The following SYNJ2 variants were observed in gnomAD, a reference collection of about 807,000 sequenced individuals.
SYNJ2 encodes the protein polyphosphatidylinositol phosphatase SYNJ2.
Under a neutral mutation model 141.3 loss-of-function variants are expected in SYNJ2, and 116 were observed. The ratio of observed to expected loss-of-function variants is 0.82; its 90% CI spans 0.71 to 0.96. SYNJ2 has a LOEUF of 0.96. Ranked by LOEUF, SYNJ2 falls within the 40% of genes least tolerant of loss-of-function variation. The pLI, the probability that SYNJ2 is intolerant of heterozygous loss-of-function variation, is 0.00. For missense variants in SYNJ2, 1,873 were observed against 1,934.8 expected (o/e 0.97, Z 0.60); for synonymous variants, 745 against 777.7 (o/e 0.96, Z 0.70).
intron 5 of SYNJ2, among the ~76,000 whole-genome samples, chr6:158,050,350 C>T (rs1487496443): frequency 2.6e-5 from 4 of 152,218 alleles, no homozygotes; most frequent in Admixed American, 1.3e-4. Context: ...GGAGGTCCAA[C>T]GACCACACTT....
At chr6:158,054,910 G>A (rs575729767) in intron 5 of SYNJ2, 57 bp from the exon 6 acceptor site, 16 of 1,582,694 alleles carry the variant, frequency 1.0e-5, no homozygotes, top group African/African-American at 6.7e-5. Context: ...GAAAAACCAT[G>A]GCCTCCTTGG....
chr6:158,075,953 C>T (rs1031094267), intron 16 of SYNJ2, among the ~76,000 whole-genome samples: 42 of 107,296 alleles, frequency 3.9e-4, no homozygotes, highest in African/African-American at 1.6e-3. Context: ...GGGCTCACGA[C>T]TGTAAGGCGG....
chr6:157,992,401 C>CTTTTTTTTTTTTTT (rs57905567), intron 1 of SYNJ2, among the ~76,000 whole-genome samples: 13 of 120,398 alleles, frequency 1.1e-4, no homozygotes, highest in Non-Finnish European at 1.8e-4. Context: ...TGGCTTGTTT[C>CTTTTTTTTTTTTTT]TTTTTTTTTT....
chr6:158,064,646 A>G lies in SYNJ2; in HGVS notation c.1255A>G (p.Ile419Val), dbSNP rs1781445604. 1 of 1,613,898 alleles carries G rather than the reference A, an allele frequency of 6.2e-7. No individual in the cohort carries two copies. The highest frequency in any genetic ancestry group is 8.5e-7 in the Non-Finnish European group (1 of 1,180,016). ...LKTLGLSSKP[I>V]VDRFVESFKA... ...GACCCTGGGGCTGAGTTCAAAACCC[A>G]TCGTTGACCGCTTTGTGGAGTCCTT... Residue 419 changes from isoleucine to valine, a missense_variant, in exon 10 of 27, where the codon ATC becomes GTC. Ile to Val is a conservative substitution (Grantham distance 29, BLOSUM62 3). Coordinates refer to ENST00000355585, the MANE Select transcript of SYNJ2 (RefSeq NM_003898.4).
chr6:158,051,707 G>GA (rs1478699012), intron 5 of SYNJ2, among the ~76,000 whole-genome samples: 6 of 151,646 alleles, frequency 4.0e-5, no homozygotes, highest in African/African-American at 1.5e-4. Flanking sequence ...AGTACTTTGA[G>GA]AGGCCGAGGT....
chr6:158,032,033 G>T (rs558699531), intron 3 of SYNJ2, among the ~76,000 whole-genome samples: 2 of 152,250 alleles, frequency 1.3e-5, no homozygotes, highest in African/African-American at 2.4e-5. Flanking sequence ...TTTGGAAGAG[G>T]GACATGTGTT....
At chr6:158,080,495 A>C (rs1303969084) in intron 18 of SYNJ2, among the ~76,000 whole-genome samples, 1 of 144,134 alleles carries the variant, frequency 6.9e-6, no homozygotes, top group Non-Finnish European at 1.5e-5. Flanking sequence ...AAAAAAAAAA[A>C]ACGAGCATTT....
intron 1 of SYNJ2, among the ~76,000 whole-genome samples, chr6:157,998,183 A>G (rs1331399978): frequency 6.6e-6 from 1 of 152,236 alleles, no homozygotes; most frequent in Non-Finnish European, 1.5e-5. Flanking sequence ...GTGGCTGCAC[A>G]CACAGGTGTC....
intron 25 of SYNJ2, among the ~76,000 whole-genome samples, chr6:158,092,492 T>A (rs1287927189): frequency 6.6e-6 from 1 of 152,072 alleles, no homozygotes; most frequent in Admixed American, 6.5e-5. Context: ...ATTTTAAAAT[T>A]AGCTGGGCGT....
intron 2 of SYNJ2, among the ~76,000 whole-genome samples, chr6:158,025,423 C>G (rs772606427): frequency 5.3e-5 from 8 of 152,198 alleles, no homozygotes; most frequent in Non-Finnish European, 1.2e-4. Flanking sequence ...CACCTGTAAT[C>G]CCAGCACTTT....
intron 3 of SYNJ2, among the ~76,000 whole-genome samples, chr6:158,031,767 C>T (rs1435957316): frequency 6.6e-6 from 1 of 152,172 alleles, no homozygotes; most frequent in African/African-American, 2.4e-5. Context: ...CAATCAGGTC[C>T]TGGGAGGAAA....
At chr6:158,092,553 C>T (rs1230482882) in intron 25 of SYNJ2, among the ~76,000 whole-genome samples, 2 of 152,106 alleles carry the variant, frequency 1.3e-5, no homozygotes, top group Non-Finnish European at 2.9e-5. Context: ...GGTAAGAAGA[C>T]TGCATGAGCC....
rs992447357 is a variant in SYNJ2, at chr6:157,981,931, C to T, written c.-31C>T. On this transcript the variant is annotated 5_prime_UTR_variant, in exon 1 of 27. Transcript: ENST00000355585. This position sits in a 1 kb window ranked among gnomAD's most constrained non-coding sequence, Gnocchi z 6.4. ...AGCGCGCCCTCGGGAGGACGTGGCC[C>T]CGGCCCCCGCCCGCAGTGGGCCCGA... is the stretch of plus-strand genomic sequence containing the variant. 1.6e-6 allele frequency: 2 copies of T among 1,224,498 alleles called. No homozygotes were observed. The highest frequency in any genetic ancestry group is 2.0e-6 in the Non-Finnish European group (2 of 982,764). 75.9% of individuals were successfully genotyped at this position (1,224,498 alleles called of 1,614,324 possible). A position where few individuals can be genotyped will look rare whatever the true frequency, so the allele number is the denominator to read the frequency against.
intron 5 of SYNJ2, among the ~76,000 whole-genome samples, chr6:158,047,709 G>A (rs1287058480): frequency 8.4e-5 from 12 of 142,724 alleles, no homozygotes; most frequent in African/African-American, 1.8e-4. Context: ...CCTGGGAGGC[G>A]GAGTTTGCAG....
At chr6:158,082,316 G>A (rs933970540) in intron 20 of SYNJ2, among the ~76,000 whole-genome samples, 8 of 151,902 alleles carry the variant, frequency 5.3e-5, no homozygotes, top group South Asian at 2.1e-4. Flanking sequence ...GTGAAACCCC[G>A]TCTCCACTAA....
intron 12 of SYNJ2, among the ~76,000 whole-genome samples, chr6:158,067,060 C>T (rs1781614368): frequency 6.6e-6 from 1 of 152,104 alleles, no homozygotes. Context: ...CTCTTGTCAC[C>T]CAGGCTAGAG....
chr6:158,070,188 G>T lies in SYNJ2; in HGVS notation c.1940+515G>T. 3.0e-6 allele frequency: 3 copies of T among 985,488 alleles called. No individual in the cohort carries two copies. Among genetic ancestry groups the T allele is most frequent in the Non-Finnish European group, 3.6e-6 (3 of 830,000 alleles). The allele number at this position is 985,488 out of a possible 1,614,324, so 61.0% of individuals were successfully genotyped here. On this transcript the variant is annotated intron_variant, in intron 14 of 26. Coordinates refer to ENST00000355585, the MANE Select transcript of SYNJ2 (RefSeq NM_003898.4). This position sits in a 1 kb window ranked among gnomAD's most constrained non-coding sequence, Gnocchi z 4.0. Reference sequence around the variant, plus strand: ...CTTGGGGTGTGGGTGTGGGTGTTTGGATGCTGGAGGAACTCATCTTTTCCC... The same window carrying T: ...CTTGGGGTGTGGGTGTGGGTGTTTGTATGCTGGAGGAACTCATCTTTTCCC...
intron 4 of SYNJ2, among the ~76,000 whole-genome samples, chr6:158,034,827 G>A (rs987294054): frequency 1.3e-5 from 2 of 152,212 alleles, no homozygotes; most frequent in African/African-American, 4.8e-5. Context: ...TTACATTCAA[G>A]TCTTTAACCC....
At position 158,084,241 on chromosome 6, in the gene SYNJ2, T is replaced by C; in HGVS notation, c.3208+67T>C. The C allele has an allele frequency of 2.3e-5, 35 of 1,532,476 alleles. No individual in the cohort carries two copies. The highest frequency in any genetic ancestry group is 2.9e-5 in the Non-Finnish European group (33 of 1,135,162). 94.9% of individuals were successfully genotyped at this position (1,532,476 alleles called of 1,614,324 possible). ...TCAGCTCAGGACAGACTTTCCTTTTTCTCTTGGCGATTGGGCACTGTGTGA... is the reference window on the plus strand; with the variant it reads ...TCAGCTCAGGACAGACTTTCCTTTTCCTCTTGGCGATTGGGCACTGTGTGA... On this transcript the variant is annotated intron_variant, in intron 22 of 26. Coordinates refer to ENST00000355585, the MANE Select transcript of SYNJ2 (RefSeq NM_003898.4). This position sits in a 1 kb window ranked among gnomAD's most constrained non-coding sequence, Gnocchi z 5.0.
Sources: gnomAD v4.1 joint callset for allele counts (sites outside exome capture counted in the v4.1 genomes callset) on GRCh38, gnomAD v4.1.1 for gene constraint, Gnocchi (gnomAD v3.1) non-coding constraint, MANE v1.5 for transcripts, NCBI Gene and HGNC (gene_info 2026-07-23, HGNC 2026-07-21) for gene names.